The following SBNO2 variants were observed in gnomAD, a reference collection of about 807,000 sequenced individuals.
The protein encoded by SBNO2 is strawberry notch homolog 2.
Under a neutral mutation model 146.3 loss-of-function variants are expected in SBNO2, and 89 were observed. That is an observed-to-expected ratio of 0.61 (90% CI 0.51 to 0.73). The LOEUF is 0.73. Ranked by LOEUF, SBNO2 falls within the 30% of genes least tolerant of loss-of-function variation. The probability of loss-of-function intolerance (pLI) is 0.00; values close to 1 mark genes in which losing one functional copy is unlikely to be tolerated. For synonymous variants in SBNO2, 1,147 were observed against 892.6 expected, an observed-to-expected ratio of 1.29 and a Z score of -5.08; for missense variants, 2,092 against 2,003.7, an observed-to-expected ratio of 1.04 and a Z score of -0.84.
At position 1,157,324 on chromosome 19, in the gene SBNO2, T is replaced by C. The variant is rs1479237930; in HGVS notation, c.-126-2922A>G. ...GGCCTGAGAACACCCCAACGCAGCC[T>C]CTGCCACGCAGCCCCGGAGACGCTC... On this transcript the variant is annotated intron_variant, in intron 1 of 31. Coordinates refer to ENST00000361757, the MANE Select transcript of SBNO2 (RefSeq NM_014963.3). The surrounding 1 kb of genome is among the most constrained non-coding windows in gnomAD (Gnocchi z 6.8). Among the ~76,000 whole-genome samples the C allele has an allele frequency of 6.6e-6, 1 of 150,890 alleles. No individual in the cohort carries two copies. The highest frequency in any genetic ancestry group is 1.5e-5 in the Non-Finnish European group (1 of 67,888).
chr19:1,113,043 G>A (rs2079785929), intron 19 of SBNO2, 94 bp from the exon 20 acceptor site: 12 of 1,414,600 alleles, frequency 8.5e-6, no homozygotes, highest in South Asian at 1.4e-5. Context: ...TCCTACAGTG[G>A]TCATGGGCTC....
chr19:1,117,291 GC>G, intron 15 of SBNO2, 31 bp downstream of exon 15: 1 of 1,538,854 alleles, frequency 6.5e-7, no homozygotes, highest in Non-Finnish European at 8.8e-7. Context: ...AGGCCCGGCC[GC>G]CCTCAGCCCT....
At chr19:1,163,170 G>T (rs1011663314) in intron 1 of SBNO2, among the ~76,000 whole-genome samples, 1 of 152,212 alleles carries the variant, frequency 6.6e-6, no homozygotes, top group Non-Finnish European at 1.5e-5. Flanking sequence ...TGCATACAGG[G>T]TCTTTGCACA....
At chr19:1,132,848 G>A (rs1389627066) in intron 4 of SBNO2, among the ~76,000 whole-genome samples, 1 of 152,246 alleles carries the variant, frequency 6.6e-6, no homozygotes, top group Non-Finnish European at 1.5e-5. Context: ...TCCTCTCCAG[G>A]CTCTGGCCAG....
At chr19:1,113,821 G>C in intron 18 of SBNO2, 117 bp from the exon 19 acceptor site, 1 of 1,288,834 alleles carries the variant, frequency 7.8e-7, no homozygotes, top group African/African-American at 1.6e-5. Flanking sequence ...CCTGAGGGAC[G>C]GCAGGGTGGC....
intron 1 of SBNO2, among the ~76,000 whole-genome samples, chr19:1,166,144 A>AT (rs2080420990): frequency 7.1e-6 from 1 of 141,384 alleles, no homozygotes; most frequent in South Asian, 2.3e-4. Flanking sequence ...AGATCCCCAG[A>AT]CCCCAGATCC....
Position 1,108,790 on chromosome 19 carries a change from T to C in SBNO2, c.3605A>G (p.Lys1202Arg). Residue 1202 changes from lysine to arginine, a missense_variant, in exon 31 of 32, where the codon AAG becomes AGG. Physicochemically the swap from Lys to Arg is conservative, Grantham distance 26. Transcript: ENST00000361757. ...CGCCGCCCACTCACCCACTTGCTTCTTCCTGTCCTTGGTCTTCAGCCGCAC... is the reference window on the plus strand; with the variant it reads ...CGCCGCCCACTCACCCACTTGCTTCCTCCTGTCCTTGGTCTTCAGCCGCAC... ...QIVRLKTKDR[K>R]KQVGIKIPEG... is the part of the protein sequence containing the mutation. 1 of 1,603,010 alleles carries C rather than the reference T, an allele frequency of 6.2e-7. No homozygotes were observed. The highest frequency in any genetic ancestry group is 8.5e-7 in the Non-Finnish European group (1 of 1,178,934).
In SBNO2 at chr19:1,122,759, G is replaced by A. The variant is rs1466265316; in HGVS notation, c.813C>T (p.Arg271=). Residue 271 remains arginine, a synonymous_variant, in exon 9 of 32, where the codon CGC becomes CGT. Coordinates refer to ENST00000361757, the MANE Select transcript of SBNO2 (RefSeq NM_014963.3). The part of the protein sequence containing the change: ...QHEVLLPSGQ[R]AGFLIGDGAG... ...CCCCATCGCCGATGAGAAAGCCCGC[G>A]CGCTGCCCGCTGGGGAGCAGGACCT... The A allele has an allele frequency of 9.8e-6, 15 of 1,537,546 alleles. No individual in the cohort carries two copies. The Admixed American group carries it at 1.6e-4, about 16-fold the overall frequency.
chr19:1,116,659 C>G lies in SBNO2; in HGVS notation c.1802+170G>C, dbSNP rs535186989. On this transcript the variant is annotated intron_variant, in intron 16 of 31. Coordinates refer to ENST00000361757, the MANE Select transcript of SBNO2 (RefSeq NM_014963.3). The stretch of plus-strand genomic sequence containing the variant: ...TCCACCTCCAAGCCTCTGCTTTAGA[C>G]CTGGAGCAGCGGTGAAGGCCTCTGT... Among the ~76,000 whole-genome samples, 353 of 152,256 alleles carry G rather than the reference C, an allele frequency of 2.3e-3. 1 individual carries two copies. Among genetic ancestry groups the G allele is most frequent in the African/African-American group, 8.1e-3 (335 of 41,554 alleles).
chr19:1,119,248 G>A, intron 13 of SBNO2, 84 bp from the exon 14 acceptor site: 1 of 1,480,138 alleles, frequency 6.8e-7, no homozygotes, highest in Non-Finnish European at 9.1e-7. Flanking sequence ...GCCAGTCGCA[G>A]AGAGGGCGGG....
rs1180863293 is a variant in SBNO2 at position 1,140,149 on chromosome 19, A to C, written c.279+7160T>G. 1.3e-5 allele frequency among the ~76,000 whole-genome samples: 2 copies of C among 151,250 alleles called. No homozygotes were observed. Among genetic ancestry groups the C allele is most frequent in the African/African-American group, 4.9e-5 (2 of 41,122 alleles). ...CCCGTGTCCACTAAAAAACACAAAA[A>C]ATTAGCTGGGCGTGGTGGTGGGCAC... On this transcript the variant is annotated intron_variant, in intron 4 of 31. Coordinates refer to ENST00000361757, the MANE Select transcript of SBNO2 (RefSeq NM_014963.3). This position sits in a 1 kb window ranked among gnomAD's most constrained non-coding sequence, Gnocchi z 4.4.
intron 2 of SBNO2, 43 bp downstream of exon 2, chr19:1,154,141 C>A: frequency 9.8e-7 from 1 of 1,024,394 alleles, no homozygotes. Context: ...GGCAAGTGCC[C>A]GTGGACCCCG....
At chr19:1,161,097 AGGTGGG>A (rs2080339105) in intron 1 of SBNO2, among the ~76,000 whole-genome samples, 1 of 41,884 alleles carries the variant, frequency 2.4e-5, no homozygotes, top group African/African-American at 1.1e-4. Flanking sequence ...TGGAGGCTGG[AGGTGGG>A]GGTGGGGGTG....
intron 4 of SBNO2, among the ~76,000 whole-genome samples, chr19:1,133,306 G>A (rs2080052373): frequency 6.6e-6 from 1 of 152,198 alleles, no homozygotes; most frequent in African/African-American, 2.4e-5. Context: ...CAGGGGCCCT[G>A]GGAAAGAAGG....
At chr19:1,119,655 C>A in intron 12 of SBNO2, 34 bp from the exon 13 acceptor site, 1 of 1,555,184 alleles carries the variant, frequency 6.4e-7, no homozygotes. Context: ...CTCCCCAACC[C>A]GGGAGGGCCC....
Position 1,127,709 on chromosome 19 carries a change from G to A in SBNO2, c.336C>T (p.Asp112=), listed in dbSNP as rs2079982373. ...SNISIFSSSV[D]SLSDIVDTPD... is the part of the protein sequence containing the mutation. The stretch of plus-strand genomic sequence containing the variant: ...GCGTGTCCACGATGTCCGACAGGGA[G>A]TCCACGGACGAGGAGAAGATGGAGA... Residue 112 remains aspartate (D), a synonymous_variant, in exon 5 of 32, where the codon GAC becomes GAT. Coordinates refer to ENST00000361757, the MANE Select transcript of SBNO2 (RefSeq NM_014963.3). The A allele has an allele frequency of 6.2e-7, 1 of 1,613,596 alleles. No homozygotes were observed. Among genetic ancestry groups the A allele is most frequent in the Non-Finnish European group, 8.5e-7 (1 of 1,179,842 alleles).
intron 1 of SBNO2, among the ~76,000 whole-genome samples, chr19:1,164,117 C>T (rs574121533): frequency 2.0e-5 from 3 of 152,332 alleles, no homozygotes; most frequent in South Asian, 2.1e-4. Context: ...GGGTGTTGGC[C>T]GTGGGGGCTT....
Position 1,123,929 on chromosome 19 carries a change from G to T in SBNO2, c.522+13C>A, listed in dbSNP as rs1475320213. On this transcript the variant is annotated intron_variant, in intron 6 of 31. Coordinates refer to ENST00000361757, the MANE Select transcript of SBNO2 (RefSeq NM_014963.3). ...AGGGCAGGGGAGGGAGCTCTCGGCT[G>T]GGCCCAGCTCACCTGGTAGCTGACG... 1 of 1,609,196 alleles carries T rather than the reference G, an allele frequency of 6.2e-7. No individual in the cohort carries two copies. The highest frequency in any genetic ancestry group is 1.1e-5 in the South Asian group (1 of 90,146).
Position 1,110,858 on chromosome 19 carries a change from A to G in SBNO2, c.2915T>C (p.Ile972Thr). ...DCSITKFLNR[I>T]LGLEVHKQNA... ...CTGCTTGTGCACCTCCAGCCCCAGG[A>G]TGCGGTTCAGGAACTTGGTGATGGA... is the stretch of plus-strand genomic sequence containing the variant. Residue 972 changes from isoleucine to threonine, a missense_variant, in exon 26 of 32, where the codon ATC (isoleucine) becomes ACC (threonine). Physicochemically the swap from Ile to Thr is moderately conservative, Grantham distance 89 (BLOSUM62 -1). Transcript: ENST00000361757. The surrounding 1 kb of genome is among the most constrained non-coding windows in gnomAD (Gnocchi z 4.9). 6.2e-7 allele frequency: 1 copy of G among 1,613,714 alleles called. No homozygotes were observed. The highest frequency in any genetic ancestry group is 8.5e-7 in the Non-Finnish European group (1 of 1,179,760).
Sources: gnomAD v4.1 joint callset for allele counts (sites outside exome capture counted in the v4.1 genomes callset) on GRCh38, gnomAD v4.1.1 for gene constraint, Gnocchi (gnomAD v3.1) non-coding constraint, MANE v1.5 for transcripts, NCBI Gene and HGNC (gene_info 2026-07-23, HGNC 2026-07-21) for gene names.